The following MTHFD1L variants were observed in gnomAD, a reference collection of about 807,000 sequenced individuals.
The protein encoded by MTHFD1L is methylenetetrahydrofolate dehydrogenase (NADP+ dependent) 1 like.
In MTHFD1L, 81 loss-of-function variants were observed where a neutral mutation model predicts 119.5. The ratio of observed to expected loss-of-function variants is 0.68; its 90% CI spans 0.57 to 0.82. The LOEUF (loss-of-function observed/expected upper bound fraction) is 0.82, where lower values mean the gene tolerates loss of function less well. MTHFD1L is among the 40% of genes least tolerant of loss of function. The pLI is 0.00. For synonymous variants in MTHFD1L, 430 were observed against 475.2 expected, an observed-to-expected ratio of 0.90 and a Z score of 1.24; for missense variants, 1,125 against 1,253.4, an observed-to-expected ratio of 0.90 and a Z score of 1.55.
intron 13 of MTHFD1L, 127 bp from the exon 14 acceptor site, chr6:150,944,359 G>T: frequency 1.5e-6 from 1 of 685,366 alleles, no homozygotes; most frequent in Non-Finnish European, 2.6e-6. Context: ...TAGGTGAGAG[G>T]ATTGCTTGAG....
intron 27 of MTHFD1L, among the ~76,000 whole-genome samples, chr6:151,098,989 A>G (rs1371349229): frequency 6.6e-6 from 1 of 152,124 alleles, no homozygotes; most frequent in Non-Finnish European, 1.5e-5. Flanking sequence ...CAGCCTGGCC[A>G]ACATGGTGAA....
At chr6:150,946,045 C>T (rs1793889666) in intron 15 of MTHFD1L, among the ~76,000 whole-genome samples, 1 of 152,120 alleles carries the variant, frequency 6.6e-6, no homozygotes, top group South Asian at 2.1e-4. Flanking sequence ...TTGGTGAGTC[C>T]TTCTCTTTCT....
chr6:151,096,700 C>T (rs376836400), intron 27 of MTHFD1L, among the ~76,000 whole-genome samples: 34 of 152,292 alleles, frequency 2.2e-4, no homozygotes, highest in African/African-American at 7.0e-4. Context: ...TACCCAGGTG[C>T]GGAGCAGCAC....
chr6:150,865,770 C>T lies in MTHFD1L; in HGVS notation c.-53C>T. ...GCCTGCTCCCCTGGCACGCGCCCCG[C>T]CGCCCTCGGCAGCCGCAGCTCCGTG... On this transcript the variant is annotated 5_prime_UTR_variant, in exon 1 of 28. Transcript: ENST00000367321. 1 of 1,235,854 alleles carries T rather than the reference C, an allele frequency of 8.1e-7. No individual in the cohort carries two copies. The highest frequency in any genetic ancestry group is 1.0e-6 in the Non-Finnish European group (1 of 985,438). 76.6% of individuals were successfully genotyped at this position (1,235,854 alleles called of 1,614,324 possible).
chr6:150,913,526 G>C (rs181445954), intron 8 of MTHFD1L, among the ~76,000 whole-genome samples: 5 of 151,938 alleles, frequency 3.3e-5, no homozygotes, highest in African/African-American at 1.2e-4. Flanking sequence ...GGCTGCTCTC[G>C]AACTCCTGGA....
At chr6:151,061,233 G>A (rs562642990) in intron 26 of MTHFD1L, among the ~76,000 whole-genome samples, 1 of 152,242 alleles carries the variant, frequency 6.6e-6, no homozygotes, top group South Asian at 2.1e-4. Context: ...ACAGCACGTG[G>A]GGTCAAGTCC....
At chr6:150,980,573 T>C (rs1337879678) in intron 20 of MTHFD1L, among the ~76,000 whole-genome samples, 3 of 152,230 alleles carry the variant, frequency 2.0e-5, no homozygotes, top group African/African-American at 7.2e-5. Flanking sequence ...TTAGTTTTTT[T>C]GTTTTTTTAA....
intron 9 of MTHFD1L, among the ~76,000 whole-genome samples, chr6:150,921,432 A>G (rs1027116182): frequency 1.3e-5 from 2 of 151,858 alleles, no homozygotes; most frequent in Admixed American, 1.3e-4. Context: ...TTGTATTTTT[A>G]GTAGAGACAG....
intron 20 of MTHFD1L, among the ~76,000 whole-genome samples, chr6:150,978,048 A>G (rs966451572): frequency 9.2e-5 from 14 of 151,976 alleles, no homozygotes; most frequent in African/African-American, 2.9e-4. Flanking sequence ...TTACAGGCGC[A>G]TGCCACCACA....
At chr6:150,936,744 TG>T in intron 11 of MTHFD1L, 59 bp from the exon 12 acceptor site, 1 of 1,571,020 alleles carries the variant, frequency 6.4e-7, no homozygotes, top group Admixed American at 1.8e-5. Context: ...TGTCTTCGGC[TG>T]GTTTTGCATA....
intron 20 of MTHFD1L, among the ~76,000 whole-genome samples, chr6:151,005,533 C>T (rs990823456): frequency 6.6e-6 from 1 of 152,096 alleles, no homozygotes; most frequent in Non-Finnish European, 1.5e-5. Context: ...TGTTTTCGTC[C>T]CCTAGCTAGA....
intron 8 of MTHFD1L, among the ~76,000 whole-genome samples, chr6:150,907,439 C>T (rs1358176282): frequency 6.6e-6 from 1 of 152,136 alleles, no homozygotes; most frequent in Admixed American, 6.5e-5. Context: ...CACAGATAAA[C>T]CCATCAGAAG....
intron 20 of MTHFD1L, among the ~76,000 whole-genome samples, chr6:150,994,436 C>T (rs1253558821): frequency 6.6e-6 from 1 of 152,074 alleles, no homozygotes; most frequent in Admixed American, 6.5e-5. Flanking sequence ...GGTGAGTTGC[C>T]AATCCACTGT....
At position 150,945,468 on chromosome 6, in the gene MTHFD1L, C is replaced by T. The variant is rs751045689; in HGVS notation, c.1550C>T (p.Ala517Val). Residue 517 changes from alanine (A) to valine (V), a missense_variant and splice_region_variant, in exon 15 of 28, where the codon GCT becomes GTT. Physicochemically the swap from Ala to Val is moderately conservative, Grantham distance 64. This residue lies in a region of MTHFD1L where 1,058 missense variants were observed against 1,151.2 expected (regional missense o/e 0.92). Coordinates refer to ENST00000367321, the MANE Select transcript of MTHFD1L (RefSeq NM_015440.5). ...ILHENTQTDK[A>V]LYNRLVPLVN... is the part of the protein sequence containing the mutation. ...CTCATTTTTGTTTTGTGTTTTTAGG[C>T]TCTGTATAATCGGCTGGTTCCTTTA... is the stretch of plus-strand genomic sequence containing the variant. 3.1e-6 allele frequency: 5 copies of T among 1,612,310 alleles called. No homozygotes were observed. Among genetic ancestry groups the T allele is most frequent in the Non-Finnish European group, 4.2e-6 (5 of 1,179,474 alleles).
intron 8 of MTHFD1L, among the ~76,000 whole-genome samples, chr6:150,908,310 A>T (rs1286447230): frequency 1.3e-5 from 2 of 151,644 alleles, no homozygotes; most frequent in African/African-American, 4.8e-5. Context: ...CATTTCCTTG[A>T]ATTTGTCTCC....
At chr6:150,895,657 C>T (rs1186037247) in intron 7 of MTHFD1L, among the ~76,000 whole-genome samples, 8 of 131,436 alleles carry the variant, frequency 6.1e-5, no homozygotes, top group Admixed American at 2.4e-4. Context: ...ATTACAAAGT[C>T]CTTTTCAGTT....
chr6:151,073,446 C>T (rs1307100927), intron 26 of MTHFD1L, among the ~76,000 whole-genome samples: 1 of 152,098 alleles, frequency 6.6e-6, no homozygotes, highest in East Asian at 1.9e-4. Flanking sequence ...ACATCCAATC[C>T]AAAATTAGCA....
At chr6:150,930,646 C>T (rs1377792500) in intron 11 of MTHFD1L, among the ~76,000 whole-genome samples, 1 of 151,828 alleles carries the variant, frequency 6.6e-6, no homozygotes, top group African/African-American at 2.4e-5. Context: ...TAACATAAAT[C>T]TTTTTCCATG....
chr6:151,007,384 A>C (rs758337951), intron 20 of MTHFD1L, among the ~76,000 whole-genome samples: 45 of 152,166 alleles, frequency 3.0e-4, no homozygotes, highest in Non-Finnish European at 5.1e-4. Flanking sequence ...ATGGAGCAGG[A>C]ATTCCCACAA....
Sources: gnomAD v4.1 joint callset for allele counts (sites outside exome capture counted in the v4.1 genomes callset) on GRCh38, gnomAD v4.1.1 for gene constraint, gnomAD v4.1.1 regional missense constraint, MANE v1.5 for transcripts, NCBI Gene and HGNC (gene_info 2026-07-23, HGNC 2026-07-21) for gene names.